Variants in RETREG3 observed in about 807,000 individuals in gnomAD.
RETREG3 encodes the protein reticulophagy regulator 3.
A neutral mutation model predicts 50.2 loss-of-function variants in RETREG3; 23 were observed. The ratio of observed to expected loss-of-function variants is 0.46; its 90% CI spans 0.33 to 0.65. RETREG3 has a LOEUF of 0.65. Ranked by LOEUF, RETREG3 falls within the 30% of genes least tolerant of loss-of-function variation. The probability of loss-of-function intolerance (pLI) is 0.02; values close to 1 mark genes in which losing one functional copy is unlikely to be tolerated. For missense variants in RETREG3, 546 were observed against 598.0 expected (o/e 0.91, Z 0.91); for synonymous variants, 240 against 234.4 (o/e 1.02, Z -0.22).
chr17:42,581,656 G>T lies in RETREG3; in HGVS notation c.*157C>A. The T allele has an allele frequency of 1.6e-6, 1 of 622,578 alleles. No individual in the cohort carries two copies. Among genetic ancestry groups the T allele is most frequent in the Non-Finnish European group, 2.7e-6 (1 of 374,234 alleles). 38.6% of individuals were successfully genotyped at this position (622,578 alleles called of 1,614,324 possible). On this transcript the variant is annotated 3_prime_UTR_variant, in exon 9 of 9. Coordinates refer to ENST00000309428, the MANE Select transcript of RETREG3 (RefSeq NM_178126.4). ...TCCAGCTGGTGGGAGGGGAGTGAGT[G>T]TCCTCTCTAAGGAGGCCTCTGAGCA...
intron 1 of RETREG3, among the ~76,000 whole-genome samples, chr17:42,603,934 G>A (rs993966047): frequency 2.0e-5 from 3 of 150,958 alleles, no homozygotes; most frequent in Non-Finnish European, 4.4e-5. Context: ...CCGAGATCGC[G>A]CCACTGTACT....
intron 1 of RETREG3, among the ~76,000 whole-genome samples, chr17:42,601,591 AGAAAAATAAAC>A (rs1244493307): frequency 1.3e-5 from 2 of 148,460 alleles, no homozygotes; most frequent in African/African-American, 4.9e-5. Flanking sequence ...AAAAAAGAAA[AGAAAAATAAAC>A]GAAAAATAAA....
chr17:42,601,711 C>A (rs1196711362), intron 1 of RETREG3, among the ~76,000 whole-genome samples: 2 of 141,580 alleles, frequency 1.4e-5, no homozygotes, highest in African/African-American at 2.6e-5. Context: ...CGGGTCACCA[C>A]AACCTCTGCC....
At chr17:42,605,400 A>G (rs1240295930) in intron 1 of RETREG3, 1 of 152,216 alleles carries the variant, frequency 6.6e-6, no homozygotes, top group Non-Finnish European at 1.5e-5. Flanking sequence ...GACTTGAGCT[A>G]ATGATCCTCC....
At chr17:42,588,839 TAG>T (rs1004133073) in intron 2 of RETREG3, among the ~76,000 whole-genome samples, 55 of 152,256 alleles carry the variant, frequency 3.6e-4, no homozygotes, top group African/African-American at 1.3e-3. Flanking sequence ...GTGTTTTTAG[TAG>T]AGACAGGTTT....
intron 1 of RETREG3, among the ~76,000 whole-genome samples, chr17:42,603,565 A>G (rs1159802953): frequency 6.6e-6 from 1 of 152,188 alleles, no homozygotes; most frequent in Non-Finnish European, 1.5e-5. Flanking sequence ...ATAAAAACTA[A>G]AGGTAAAGAG....
chr17:42,581,993 C>A lies in RETREG3; in HGVS notation c.1221G>T (p.Gln407His). 2 of 1,614,138 alleles carry A rather than the reference C, an allele frequency of 1.2e-6. No individual in the cohort carries two copies. The highest frequency in any genetic ancestry group is 1.7e-6 in the Non-Finnish European group (2 of 1,180,030). The change falls in exon 9 of 9, where the codon CAG (glutamine) becomes CAT (histidine). Residue 407 changes from glutamine (Q) to histidine (H), a missense_variant. Coordinates refer to ENST00000309428, the MANE Select transcript of RETREG3 (RefSeq NM_178126.4). ...GTTGGGAGGCCCCTGACAAGGCCAGCTGAATCATACCCTGGGAGACCAGGC... is the reference window on the plus strand; with the variant it reads ...GTTGGGAGGCCCCTGACAAGGCCAGATGAATCATACCCTGGGAGACCAGGC... The part of the protein sequence containing the change: ...LASLVSQGMI[Q>H]LALSGASQPG...
intron 4 of RETREG3, 159 bp from the exon 5 acceptor site, chr17:42,586,296 G>C: frequency 6.1e-6 from 4 of 654,176 alleles, no homozygotes; most frequent in Non-Finnish European, 1.1e-5. Flanking sequence ...GGGAAGAAAA[G>C]GAGCATGTCC....
At chr17:42,597,520 T>G (rs2093147910) in intron 1 of RETREG3, among the ~76,000 whole-genome samples, 1 of 124,688 alleles carries the variant, frequency 8.0e-6, no homozygotes, top group Non-Finnish European at 1.7e-5. Context: ...TGTGTGTGTG[T>G]GTGTATATAT....
At chr17:42,595,914 A>G (rs2093143410) in intron 1 of RETREG3, among the ~76,000 whole-genome samples, 1 of 151,656 alleles carries the variant, frequency 6.6e-6, no homozygotes, top group African/African-American at 2.4e-5. Context: ...AAAAAAAAAA[A>G]TCATTAAGAA....
intron 1 of RETREG3, among the ~76,000 whole-genome samples, chr17:42,602,316 C>CA (rs71157650): frequency 0.54 from 76,730 of 142,596 alleles, 19,868 homozygotes; most frequent in South Asian, 0.65. Flanking sequence ...GACTCCGTTT[C>CA]AAAAAAAAAA....
Sources: gnomAD v4.1 joint callset for allele counts (sites outside exome capture counted in the v4.1 genomes callset) on GRCh38, gnomAD v4.1.1 for gene constraint, MANE v1.5 for transcripts, NCBI Gene and HGNC (gene_info 2026-07-23, HGNC 2026-07-21) for gene names.